COX7A2L: variants seen among roughly 807,000 people sequenced by gnomAD.
COX7A2L encodes cytochrome c oxidase subunit 7A2 like, also known as cytochrome c oxidase subunit 7A2-like, mitochondrial.
Under a neutral mutation model 14.2 loss-of-function variants are expected in COX7A2L, and 18 were observed. The observed-to-expected ratio is 1.27, with a 90% CI of 0.88 to 1.88. The LOEUF (loss-of-function observed/expected upper bound fraction) is 1.88. COX7A2L is among the 40% of genes most tolerant of loss of function. COX7A2L has a pLI of 0.00. For missense variants in COX7A2L, 179 were observed against 138.8 expected, an observed-to-expected ratio of 1.29 and a Z score of -1.46; for synonymous variants, 65 against 57.4, an observed-to-expected ratio of 1.13 and a Z score of -0.60.
Position 42,361,075 on chromosome 2 carries a change from A to G in COX7A2L, c.72+15T>C. 6.2e-7 allele frequency: 1 copy of G among 1,612,816 alleles called. No homozygotes were observed. The highest frequency in any genetic ancestry group is 8.5e-7 in the Non-Finnish European group (1 of 1,179,504). The stretch of plus-strand genomic sequence containing the variant: ...GCCACTTCTCATGTCCGAGCTGGCC[A>G]GGCGCCACTCGTACCTGCGGGCTAT... On this transcript the variant is annotated intron_variant, in intron 1 of 2. Coordinates refer to ENST00000234301, the MANE Select transcript of COX7A2L (RefSeq NM_004718.4).
At chr2:42,354,630 A>G (rs1311406535) in intron 1 of COX7A2L, among the ~76,000 whole-genome samples, 2 of 152,264 alleles carry the variant, frequency 1.3e-5, no homozygotes, top group Non-Finnish European at 2.9e-5. Context: ...CCAGGCAAGC[A>G]CTAGATGAAC....
chr2:42,353,943 C>T (rs1670733119), intron 1 of COX7A2L, among the ~76,000 whole-genome samples: 1 of 152,162 alleles, frequency 6.6e-6, no homozygotes, highest in Non-Finnish European at 1.5e-5. Flanking sequence ...CATGCTACAA[C>T]ACGGATAAGC....
rs1670346384 is a variant in COX7A2L at position 42,339,063 on chromosome 2, A to G, written c.193-5194T>C. Among the ~76,000 whole-genome samples, 1 of 152,240 alleles carries G rather than the reference A, an allele frequency of 6.6e-6. No homozygotes were observed. The highest frequency in any genetic ancestry group is 2.4e-5 in the African/African-American group (1 of 41,458). On this transcript the variant is annotated intron_variant, in intron 2 of 2. Coordinates refer to the COX7A2L transcript ENST00000468711. This position sits in a 1 kb window ranked among gnomAD's most constrained non-coding sequence, Gnocchi z 5.4. Reference sequence around the variant, plus strand: ...TGGGCAACGCAACAGATTGTGAGGAAACCCTGCAGATGGCTCCGTTAATAA... The same window carrying G: ...TGGGCAACGCAACAGATTGTGAGGAGACCCTGCAGATGGCTCCGTTAATAA...
chr2:42,354,187 T>C (rs1670741299), intron 1 of COX7A2L, among the ~76,000 whole-genome samples: 1 of 152,172 alleles, frequency 6.6e-6, no homozygotes, highest in Non-Finnish European at 1.5e-5. Flanking sequence ...CATATATCTG[T>C]GAATACACTA....
In COX7A2L at chr2:42,350,817, TGC is replaced by T. The variant is rs1170027474; in HGVS notation, c.*400_*401del. 6.5e-6 allele frequency: 1 copy of T among 154,676 alleles called. No individual in the cohort carries two copies. The highest frequency in any genetic ancestry group is 1.4e-5 in the Non-Finnish European group (1 of 69,808). 9.6% of individuals were successfully genotyped at this position (154,676 alleles called of 1,614,324 possible). On this transcript the variant is annotated 3_prime_UTR_variant, in exon 3 of 3. Coordinates refer to ENST00000234301, the MANE Select transcript of COX7A2L (RefSeq NM_004718.4). ...TGACTAACTCAAACTCCTCATTTCA[TGC>T]ACATGACCTTGGCTTCTGTGTTCTT...
intron 2 of COX7A2L, among the ~76,000 whole-genome samples, chr2:42,340,961 A>G (rs2103874733): frequency 6.6e-6 from 1 of 152,344 alleles, no homozygotes; most frequent in Non-Finnish European, 1.5e-5. Flanking sequence ...ACCTGGAGCC[A>G]AAGAAAGCGA....
chr2:42,358,616 C>A (rs1267171449), intron 1 of COX7A2L, among the ~76,000 whole-genome samples: 1 of 152,168 alleles, frequency 6.6e-6, no homozygotes, highest in African/African-American at 2.4e-5. Context: ...TTCTTTTCAA[C>A]ATAGTTTAAG....
Position 42,342,183 on chromosome 2 carries a change from G to C in COX7A2L, c.193-8314C>G, listed in dbSNP as rs1179086759. Among the ~76,000 whole-genome samples, 1 of 152,068 alleles carries C rather than the reference G, an allele frequency of 6.6e-6. No individual in the cohort carries two copies. Among genetic ancestry groups the C allele is most frequent in the East Asian group, 1.9e-4 (1 of 5,178 alleles). On this transcript the variant is annotated intron_variant, in intron 2 of 2. Transcript: ENST00000468711. This position sits in a 1 kb window ranked among gnomAD's most constrained non-coding sequence, Gnocchi z 4.9. ...CGCTGCCTCCATGCTTGAGCTCAGGGCTCCACACTCACAACTGAAGCCTAA... is the reference window on the plus strand; with the variant it reads ...CGCTGCCTCCATGCTTGAGCTCAGGCCTCCACACTCACAACTGAAGCCTAA...
chr2:42,343,493 G>A (rs780332273), intron 2 of COX7A2L, among the ~76,000 whole-genome samples: 7 of 152,192 alleles, frequency 4.6e-5, no homozygotes, highest in Admixed American at 2.6e-4. Flanking sequence ...AAAGATACCG[G>A]CCAATGATCC....
downstream of COX7A2L, among the ~76,000 whole-genome samples, chr2:42,344,515 T>C (rs1250775552): frequency 6.6e-6 from 1 of 152,240 alleles, no homozygotes; most frequent in Non-Finnish European, 1.5e-5. Flanking sequence ...CAATTACTAT[T>C]AGTACATATT....
chr2:42,343,467 G>A (rs1457488545), intron 2 of COX7A2L, among the ~76,000 whole-genome samples: 3 of 152,190 alleles, frequency 2.0e-5, no homozygotes, highest in Non-Finnish European at 4.4e-5. Context: ...GTGGGTTAGG[G>A]AGTCCCTGAG....
At chr2:42,364,223 C>A (rs576607904), upstream of COX7A2L, among the ~76,000 whole-genome samples, 1 of 131,646 alleles carries the variant, frequency 7.6e-6, no homozygotes, top group Admixed American at 7.8e-5. Flanking sequence ...TGCACTCCAG[C>A]CTGGGCGACA....
chr2:42,354,287 G>GA (rs1285224447), intron 1 of COX7A2L, among the ~76,000 whole-genome samples: 6 of 152,024 alleles, frequency 3.9e-5, no homozygotes, highest in Non-Finnish European at 2.9e-5. Context: ...AGGTGGGGGG[G>GA]ATCTCTGGTT....
chr2:42,348,845 G>A (rs987587925), downstream of COX7A2L, among the ~76,000 whole-genome samples: 2 of 152,116 alleles, frequency 1.3e-5, no homozygotes, highest in Non-Finnish European at 2.9e-5. Flanking sequence ...TTGAACGTGA[G>A]AGGCGGAGAT....
At chr2:42,346,079 G>T (rs1027936429), downstream of COX7A2L, among the ~76,000 whole-genome samples, 1 of 152,156 alleles carries the variant, frequency 6.6e-6, no homozygotes, top group African/African-American at 2.4e-5. Context: ...CTCCTTCCCT[G>T]CATCTGCCCC....
intron 1 of COX7A2L, among the ~76,000 whole-genome samples, chr2:42,354,388 A>C (rs935855238): frequency 6.6e-5 from 10 of 152,216 alleles, no homozygotes; most frequent in African/African-American, 2.2e-4. Context: ...AAGAGTTATA[A>C]GCCAATAAAA....
chr2:42,348,378 C>A (rs559587877), downstream of COX7A2L, among the ~76,000 whole-genome samples: 2 of 152,192 alleles, frequency 1.3e-5, no homozygotes, highest in East Asian at 3.9e-4. Context: ...GGGAGAAATC[C>A]GGCAGACACA....
upstream of COX7A2L, chr2:42,361,775 T>C (rs1671062533): frequency 6.6e-6 from 1 of 152,354 alleles, no homozygotes; most frequent in Non-Finnish European, 1.5e-5. Flanking sequence ...GCACCTCTTA[T>C]CCAGAAGCCA....
rs995949115 is a variant in COX7A2L, at chr2:42,350,126, T to C, written c.*1093A>G. 10 of 152,196 alleles carry C rather than the reference T, an allele frequency of 6.6e-5. No individual in the cohort carries two copies. The highest frequency in any genetic ancestry group is 1.9e-4 in the African/African-American group (8 of 41,434). 9.4% of individuals were successfully genotyped at this position (152,196 alleles called of 1,614,324 possible). A position where few individuals can be genotyped will look rare whatever the true frequency, so the allele number is the denominator to read the frequency against. ...TGAGTATTTTCAAATCACCACATCT[T>C]ATCCTGAGCAAGAGGTCACTGTTCT... On this transcript the variant is annotated 3_prime_UTR_variant, in exon 3 of 3. Coordinates refer to ENST00000234301, the MANE Select transcript of COX7A2L (RefSeq NM_004718.4).
Sources: allele counts gnomAD v4.1 joint callset (sites outside exome capture counted in the v4.1 genomes callset), GRCh38; gene constraint gnomAD v4.1.1; non-coding constraint Gnocchi (gnomAD v3.1); transcripts MANE v1.5; gene names NCBI Gene and HGNC (gene_info 2026-07-23, HGNC 2026-07-21).